SUMF1: variants seen among roughly 807,000 people sequenced by gnomAD.
SUMF1 encodes sulfatase modifying factor 1.
In SUMF1, 48 loss-of-function variants were observed where a neutral mutation model predicts 47.6. The ratio of observed to expected loss-of-function variants is 1.01; its 90% CI spans 0.80 to 1.28. SUMF1 has a LOEUF of 1.28. Ranked by LOEUF, SUMF1 falls within the 50% of genes most tolerant of loss-of-function variation. The probability of loss-of-function intolerance (pLI) is 0.00; values close to 1 mark genes in which losing one functional copy is unlikely to be tolerated. For missense variants in SUMF1, 571 were observed against 485.4 expected, an observed-to-expected ratio of 1.18 and a Z score of -1.66; for synonymous variants, 230 against 192.1, an observed-to-expected ratio of 1.20 and a Z score of -1.63.
chr3:4,254,028 T>G (rs1028366192), intron 8 of SUMF1, among the ~76,000 whole-genome samples: 30 of 150,890 alleles, frequency 2.0e-4, no homozygotes, highest in African/African-American at 3.2e-4. Context: ...AGCAGGGTAT[T>G]CCAACAGACC....
At chr3:4,125,743 C>T (rs937949108) in intron 8 of SUMF1, among the ~76,000 whole-genome samples, 18 of 152,294 alleles carry the variant, frequency 1.2e-4, no homozygotes, top group African/African-American at 3.6e-4. Flanking sequence ...GGCATGCTCA[C>T]GGCTCACTGC....
intron 8 of SUMF1, among the ~76,000 whole-genome samples, chr3:4,351,055 G>C (rs1193878614): frequency 6.6e-6 from 1 of 152,124 alleles, no homozygotes; most frequent in Non-Finnish European, 1.5e-5. Context: ...ACCCACAGAC[G>C]GAGGTACAAG....
intron 7 of SUMF1, among the ~76,000 whole-genome samples, chr3:4,391,831 CT>C (rs71053409): frequency 0.034 from 4,807 of 141,400 alleles, 218 homozygotes; most frequent in African/African-American, 0.11. Context: ...CTTTTCTTTT[CT>C]TTTTTTTTTT....
chr3:4,177,587 G>A (rs1392549372), intron 8 of SUMF1, among the ~76,000 whole-genome samples: 1 of 152,064 alleles, frequency 6.6e-6, no homozygotes, highest in Non-Finnish European at 1.5e-5. Flanking sequence ...AGAGAAAGCA[G>A]GAAAGATCTA....
intron 3 of SUMF1, among the ~76,000 whole-genome samples, chr3:4,442,497 G>A (rs1702635576): frequency 6.6e-6 from 1 of 151,670 alleles, no homozygotes; most frequent in Non-Finnish European, 1.5e-5. Flanking sequence ...CTGACCTCGT[G>A]ATCCGCCCGC....
chr3:4,414,760 AT>A (rs908315833), intron 6 of SUMF1: 4 of 152,184 alleles, frequency 2.6e-5, no homozygotes, highest in African/African-American at 9.7e-5. Context: ...TGAACATTGT[AT>A]TTTTTGAAAA....
intron 8 of SUMF1, among the ~76,000 whole-genome samples, chr3:4,254,909 G>A (rs901620433): frequency 1.4e-4 from 22 of 152,228 alleles, no homozygotes; most frequent in African/African-American, 3.4e-4. Flanking sequence ...GACTTACAGC[G>A]GATCTCTTGG....
intron 8 of SUMF1, among the ~76,000 whole-genome samples, chr3:4,362,953 A>G (rs1699816066): frequency 6.6e-6 from 1 of 152,164 alleles, no homozygotes; most frequent in South Asian, 2.1e-4. Context: ...AAAAAGGCAG[A>G]ATATAAAGGT....
chr3:4,315,016 C>T (rs1698579838), intron 8 of SUMF1, among the ~76,000 whole-genome samples: 1 of 151,978 alleles, frequency 6.6e-6, no homozygotes, highest in Non-Finnish European at 1.5e-5. Context: ...CTCAATAAAG[C>T]TAGGTCGTTT....
intron 8 of SUMF1, among the ~76,000 whole-genome samples, chr3:4,230,833 C>T (rs145112712): frequency 1.6e-3 from 249 of 152,160 alleles, no homozygotes; most frequent in Non-Finnish European, 2.7e-3. Context: ...CCTATCACTC[C>T]GGAGATTCCA....
chr3:4,183,829 G>T (rs1695144491), intron 8 of SUMF1, among the ~76,000 whole-genome samples: 1 of 152,120 alleles, frequency 6.6e-6, no homozygotes, highest in Non-Finnish European at 1.5e-5. Flanking sequence ...GGTTCACAAG[G>T]TAATGGGCTA....
At chr3:4,258,652 T>G (rs1697013642) in intron 8 of SUMF1, among the ~76,000 whole-genome samples, 1 of 151,680 alleles carries the variant, frequency 6.6e-6, no homozygotes, top group Non-Finnish European at 1.5e-5. Flanking sequence ...GGAACACTTT[T>G]ACACTGTTGG....
chr3:4,228,956 G>C (rs574027948), intron 8 of SUMF1, among the ~76,000 whole-genome samples: 2 of 152,094 alleles, frequency 1.3e-5, no homozygotes, highest in African/African-American at 2.4e-5. Flanking sequence ...TGGCTAGAAG[G>C]TAAAGGTAAG....
At chr3:4,293,747 G>T (rs1327709045) in intron 8 of SUMF1, among the ~76,000 whole-genome samples, 2 of 152,132 alleles carry the variant, frequency 1.3e-5, no homozygotes, top group African/African-American at 4.8e-5. Context: ...TAATTAATGT[G>T]ATTATATTTT....
chr3:4,112,595 A>G (rs376448324), intron 8 of SUMF1, among the ~76,000 whole-genome samples: 23 of 152,160 alleles, frequency 1.5e-4, no homozygotes, highest in African/African-American at 5.3e-4. Context: ...ACCCATATCA[A>G]GTTAAAGTAC....
intron 7 of SUMF1, among the ~76,000 whole-genome samples, chr3:4,406,705 G>A (rs1324752384): frequency 1.3e-5 from 2 of 152,048 alleles, no homozygotes; most frequent in African/African-American, 4.8e-5. Context: ...TTCTTTCTCT[G>A]AGAAAAAGAA....
intron 9 of SUMF1, among the ~76,000 whole-genome samples, chr3:4,060,760 A>T (rs1041698189): frequency 3.9e-5 from 6 of 152,208 alleles, no homozygotes; most frequent in African/African-American, 1.4e-4. Context: ...GGGACTACGC[A>T]TATGTAGTAC....
intron 8 of SUMF1, among the ~76,000 whole-genome samples, chr3:4,339,135 TCTCCTGTTCCTAATGGGC>T (rs1201489830): frequency 1.3e-5 from 2 of 152,300 alleles, no homozygotes; most frequent in East Asian, 3.9e-4. Flanking sequence ...TTTCTGTGGC[TCTCCTGTTCCTAATGGGC>T]CTTAGGCTAT....
At chr3:4,388,804 T>C (rs1345425446) in intron 7 of SUMF1, among the ~76,000 whole-genome samples, 1 of 152,168 alleles carries the variant, frequency 6.6e-6, no homozygotes, top group Non-Finnish European at 1.5e-5. Context: ...TGTGTGTACA[T>C]ATAGTCATAA....
Sources: gnomAD v4.1 joint callset for allele counts (sites outside exome capture counted in the v4.1 genomes callset) on GRCh38, gnomAD v4.1.1 for gene constraint, MANE v1.5 for transcripts, NCBI Gene and HGNC (gene_info 2026-07-23, HGNC 2026-07-21) for gene names.